Variants in ADGRL3 observed in about 807,000 individuals in gnomAD.
ADGRL3 encodes the protein adhesion G protein-coupled receptor L3.
In ADGRL3, 62 loss-of-function variants were observed where a neutral mutation model predicts 153.5. The ratio of observed to expected loss-of-function variants is 0.40; its 90% CI spans 0.33 to 0.50. The LOEUF (loss-of-function observed/expected upper bound fraction) is 0.50. Among genes scored for constraint, ADGRL3 ranks in the 20% least tolerant of loss-of-function variants. The pLI, the probability that ADGRL3 is intolerant of heterozygous loss-of-function variation, is 0.47. For synonymous variants in ADGRL3, 710 were observed against 672.5 expected (o/e 1.06, Z -0.86); for missense variants, 1,641 against 1,859.4 (o/e 0.88, Z 2.16).
At chr4:61,545,342 G>GA (rs1215688334) in intron 4 of ADGRL3, among the ~76,000 whole-genome samples, 2 of 152,152 alleles carry the variant, frequency 1.3e-5, no homozygotes, top group African/African-American at 4.8e-5. Context: ...GGAAAAAGTA[G>GA]AAGCTGGGTT....
At chr4:61,469,526 C>T (rs556753223) in intron 2 of ADGRL3, among the ~76,000 whole-genome samples, 2 of 151,876 alleles carry the variant, frequency 1.3e-5, no homozygotes, top group Non-Finnish European at 2.9e-5. Flanking sequence ...GTGTATGATT[C>T]AAGTCTGTGT....
intron 9 of ADGRL3, among the ~76,000 whole-genome samples, chr4:61,815,411 A>G (rs2097677100): frequency 6.6e-6 from 1 of 152,206 alleles, no homozygotes; most frequent in South Asian, 2.1e-4. Flanking sequence ...AGTGTAGGTA[A>G]TAAGCTGATT....
intron 1 of ADGRL3, among the ~76,000 whole-genome samples, chr4:61,353,189 A>G (rs185215020): frequency 6.6e-6 from 1 of 152,172 alleles, no homozygotes; most frequent in East Asian, 1.9e-4. Context: ...ATAAGTCTGT[A>G]TTTTTACATA....
intron 2 of ADGRL3, among the ~76,000 whole-genome samples, chr4:61,391,200 G>A (rs1017655910): frequency 1.1e-4 from 17 of 152,120 alleles, no homozygotes; most frequent in African/African-American, 2.4e-4. Context: ...GCATGGCCCC[G>A]GCATCTGTTC....
intron 4 of ADGRL3, among the ~76,000 whole-genome samples, chr4:61,570,121 T>G (rs926287960): frequency 2.6e-5 from 4 of 152,194 alleles, no homozygotes; most frequent in African/African-American, 9.6e-5. Context: ...TGATCATCAT[T>G]TACATAACTG....
At chr4:61,356,516 A>T (rs1362449081) in intron 1 of ADGRL3, among the ~76,000 whole-genome samples, 2 of 152,078 alleles carry the variant, frequency 1.3e-5, no homozygotes, top group African/African-American at 4.8e-5. Flanking sequence ...CATAATACTA[A>T]CTGTAGTTTT....
chr4:61,489,529 C>T (rs1413800871), intron 2 of ADGRL3, among the ~76,000 whole-genome samples: 2 of 151,924 alleles, frequency 1.3e-5, no homozygotes, highest in East Asian at 3.9e-4. Flanking sequence ...AGATGCAGAA[C>T]AATACCATTC....
chr4:61,961,370 G>A (rs148390744), intron 17 of ADGRL3, among the ~76,000 whole-genome samples: 189 of 152,230 alleles, frequency 1.2e-3, no homozygotes, highest in African/African-American at 4.2e-3. Flanking sequence ...CAGAGAAAGG[G>A]TATTTCAAAA....
intron 21 of ADGRL3, among the ~76,000 whole-genome samples, chr4:62,005,000 A>G (rs6551673): frequency 1 from 151,996 of 152,202 alleles, 75,895 homozygotes; most frequent in Middle Eastern, 1. Flanking sequence ...CAATCCAAAC[A>G]ACATTGTGTG....
At chr4:61,434,196 A>T (rs2097413176) in intron 2 of ADGRL3, among the ~76,000 whole-genome samples, 1 of 152,096 alleles carries the variant, frequency 6.6e-6, no homozygotes, top group Non-Finnish European at 1.5e-5. Flanking sequence ...TGATGGATTG[A>T]TGGGGGCTTC....
chr4:61,971,496 T>C (rs10010900), intron 17 of ADGRL3, among the ~76,000 whole-genome samples: 1 of 152,196 alleles, frequency 6.6e-6, no homozygotes, highest in Non-Finnish European at 1.5e-5. Flanking sequence ...CTCATCATTT[T>C]TTATGGCTGC....
At chr4:61,723,658 T>G (rs895775038) in intron 6 of ADGRL3, among the ~76,000 whole-genome samples, 2 of 151,986 alleles carry the variant, frequency 1.3e-5, no homozygotes, top group East Asian at 1.9e-4. Flanking sequence ...ACAGGTGGTG[T>G]TATCTAGAGG....
intron 9 of ADGRL3, among the ~76,000 whole-genome samples, chr4:61,855,466 C>T (rs2098252484): frequency 6.6e-6 from 1 of 152,094 alleles, no homozygotes; most frequent in Non-Finnish European, 1.5e-5. Flanking sequence ...GAAAAGAGTT[C>T]TGACTTAAAA....
chr4:62,053,882 T>C (rs552190021), intron 25 of ADGRL3, among the ~76,000 whole-genome samples: 3 of 151,740 alleles, frequency 2.0e-5, no homozygotes, highest in East Asian at 3.9e-4. Flanking sequence ...CAGTGAGTTA[T>C]ACTAAATGTC....
At chr4:62,020,886 G>T (rs2099234857) in intron 21 of ADGRL3, among the ~76,000 whole-genome samples, 1 of 151,762 alleles carries the variant, frequency 6.6e-6, no homozygotes, top group African/African-American at 2.4e-5. Flanking sequence ...ATGTTCATTA[G>T]GAATTTTGGA....
chr4:61,559,422 A>T (rs2098784470), intron 4 of ADGRL3, among the ~76,000 whole-genome samples: 1 of 152,004 alleles, frequency 6.6e-6, no homozygotes, highest in African/African-American at 2.4e-5. Flanking sequence ...TTATGGCCTG[A>T]CTAGATACTT....
chr4:61,845,738 T>C (rs558624494), intron 9 of ADGRL3, among the ~76,000 whole-genome samples: 1 of 152,190 alleles, frequency 6.6e-6, no homozygotes, highest in African/African-American at 2.4e-5. Flanking sequence ...TGCTCAGTGG[T>C]ATTATTAACG....
intron 9 of ADGRL3, among the ~76,000 whole-genome samples, chr4:61,861,831 G>A (rs1175096809): frequency 2.0e-5 from 3 of 151,952 alleles, no homozygotes; most frequent in Non-Finnish European, 4.4e-5. Flanking sequence ...GTCTACTGCT[G>A]GGCTTGATTA....
At chr4:61,242,215 TC>T (rs1476666928) in intron 1 of ADGRL3, among the ~76,000 whole-genome samples, 2 of 152,168 alleles carry the variant, frequency 1.3e-5, no homozygotes, top group African/African-American at 4.8e-5. Context: ...GATATCTGAC[TC>T]CCTGTTCTGA....
Sources: gnomAD v4.1 joint callset for allele counts (sites outside exome capture counted in the v4.1 genomes callset) on GRCh38, gnomAD v4.1.1 for gene constraint, MANE v1.5 for transcripts, NCBI Gene and HGNC (gene_info 2026-07-23, HGNC 2026-07-21) for gene names.